NTM: variants seen among roughly 807,000 people sequenced by gnomAD.
NTM encodes neurotrimin, also known as IgLON family member 2.
Under a neutral mutation model 42.1 loss-of-function variants are expected in NTM, and 13 were observed. That is an observed-to-expected ratio of 0.31 (90% CI 0.20 to 0.49). The LOEUF (loss-of-function observed/expected upper bound fraction) is 0.49, where lower values mean the gene tolerates loss of function less well. Ranked by LOEUF, NTM falls within the 20% of genes least tolerant of loss-of-function variation. The pLI is 0.99. For missense variants in NTM, 373 were observed against 452.8 expected, an observed-to-expected ratio of 0.82 and a Z score of 1.60; for synonymous variants, 187 against 179.2, an observed-to-expected ratio of 1.04 and a Z score of -0.35.
At chr11:131,876,437 G>A (rs1474109966) in intron 1 of NTM, among the ~76,000 whole-genome samples, 1 of 152,216 alleles carries the variant, frequency 6.6e-6, no homozygotes, top group African/African-American at 2.4e-5. Flanking sequence ...TTAATCCCTG[G>A]CTTGGTCTCA....
chr11:131,370,931 T>A, intron 1 of NTM, 43 bp downstream of exon 1: 2 of 1,608,926 alleles, frequency 1.2e-6, no homozygotes, highest in Non-Finnish European at 1.7e-6. Context: ...ACCCAGGAAT[T>A]GTACAGTGTG....
At chr11:131,929,633 A>G (rs1017256702) in intron 2 of NTM, among the ~76,000 whole-genome samples, 2 of 151,984 alleles carry the variant, frequency 1.3e-5, no homozygotes, top group Non-Finnish European at 2.9e-5. Flanking sequence ...TGTTTTAAGC[A>G]CTTAACTGTG....
chr11:131,391,644 G>GGAAAAAAAAAAAAAAAAA (rs1565455663), intron 1 of NTM, among the ~76,000 whole-genome samples: 1 of 81,560 alleles, frequency 1.2e-5, no homozygotes, highest in Non-Finnish European at 2.2e-5. Context: ...TTTTATCTGG[G>GGAAAAAAAAAAAAAAAAA]AAAAAAAAAA....
At chr11:131,691,685 G>GC (rs1298360601) in intron 1 of NTM, among the ~76,000 whole-genome samples, 1 of 152,138 alleles carries the variant, frequency 6.6e-6, no homozygotes, top group Non-Finnish European at 1.5e-5. Context: ...GCCACCCCGC[G>GC]CTCCCGCTCG....
At chr11:131,849,875 G>C (rs991051106) in intron 1 of NTM, among the ~76,000 whole-genome samples, 3 of 151,278 alleles carry the variant, frequency 2.0e-5, no homozygotes, top group Non-Finnish European at 4.4e-5. Flanking sequence ...AATGCTAAAT[G>C]ACGAGTTAAT....
At chr11:132,208,974 G>A in intron 3 of NTM, among the ~76,000 whole-genome samples, 1 of 152,144 alleles carries the variant, frequency 6.6e-6, no homozygotes, top group African/African-American at 2.4e-5. Context: ...AGCAAGCAAG[G>A]CTGTGTGGGT....
At chr11:131,631,384 C>T (rs2063643469) in intron 1 of NTM, among the ~76,000 whole-genome samples, 2 of 152,156 alleles carry the variant, frequency 1.3e-5, no homozygotes, top group Non-Finnish European at 2.9e-5. Context: ...GATTCTGTTT[C>T]CTGTCCATAA....
At chr11:132,185,135 A>T (rs531211101) in intron 3 of NTM, among the ~76,000 whole-genome samples, 1 of 152,148 alleles carries the variant, frequency 6.6e-6, no homozygotes. Context: ...CAAAACAAAA[A>T]ATCTCACTGC....
chr11:131,864,437 G>A (rs58403959), intron 1 of NTM, among the ~76,000 whole-genome samples: 2,082 of 152,234 alleles, frequency 0.014, 51 homozygotes, highest in African/African-American at 0.047. Context: ...CTATCACAAA[G>A]GCTAATTATC....
chr11:131,495,650 G>A (rs1476875065), intron 1 of NTM, among the ~76,000 whole-genome samples: 4 of 152,182 alleles, frequency 2.6e-5, no homozygotes, highest in South Asian at 2.1e-4. Context: ...AGAAGAAGCC[G>A]GCCTGGAAAC....
chr11:131,628,631 C>T (rs2063353702), intron 1 of NTM, among the ~76,000 whole-genome samples: 1 of 152,194 alleles, frequency 6.6e-6, no homozygotes, highest in Admixed American at 6.5e-5. Context: ...ACTCCCAGTA[C>T]TAATTATCTT....
At chr11:131,874,336 C>T (rs1360419239) in intron 1 of NTM, among the ~76,000 whole-genome samples, 1 of 151,642 alleles carries the variant, frequency 6.6e-6, no homozygotes, top group Non-Finnish European at 1.5e-5. Flanking sequence ...GGTTTTAAGT[C>T]ATTTCTTTGA....
At chr11:131,619,730 C>T (rs1030351120) in intron 1 of NTM, among the ~76,000 whole-genome samples, 18 of 151,548 alleles carry the variant, frequency 1.2e-4, no homozygotes, top group South Asian at 2.1e-4. Context: ...GAGCAGCAGA[C>T]GTGGTGTAGA....
rs115259902 is a variant in NTM at position 132,119,659 on chromosome 11, A to G, written c.168-26623A>G. Among the ~76,000 whole-genome samples, 1,017 of 152,366 alleles carry G rather than the reference A, an allele frequency of 6.7e-3. 9 individuals carry two copies. Among genetic ancestry groups the G allele is most frequent in the African/African-American group, 0.022 (914 of 41,588 alleles). On this transcript the variant is annotated intron_variant, in intron 2 of 8. Coordinates refer to ENST00000683400, the MANE Select transcript of NTM (RefSeq NM_001352005.2). Reference sequence around the variant, plus strand: ...CTAGGCTGAAATGGGATTTTCAGTCACAATGGAAATAAGCTGGCAGTCTTC... The same window carrying G: ...CTAGGCTGAAATGGGATTTTCAGTCGCAATGGAAATAAGCTGGCAGTCTTC...
At chr11:131,537,200 A>AAC (rs386375297) in intron 1 of NTM, 1 of 151,912 alleles carries the variant, frequency 6.6e-6, no homozygotes, top group Non-Finnish European at 1.5e-5. Context: ...AAAAAAAAAA[A>AAC]ACAATTGAGT....
chr11:131,925,924 G>A (rs2057889512), intron 2 of NTM, among the ~76,000 whole-genome samples: 1 of 152,148 alleles, frequency 6.6e-6, no homozygotes, highest in Non-Finnish European at 1.5e-5. Flanking sequence ...TTGGTATGCT[G>A]CACAGTGCCT....
chr11:131,855,444 C>G (rs1053066829), intron 1 of NTM, among the ~76,000 whole-genome samples: 1 of 152,208 alleles, frequency 6.6e-6, no homozygotes, highest in Non-Finnish European at 1.5e-5. Context: ...AAATTCCCCA[C>G]TCTACCAACA....
chr11:131,421,117 A>G (rs577827379), intron 1 of NTM, among the ~76,000 whole-genome samples: 20 of 152,354 alleles, frequency 1.3e-4, no homozygotes, highest in South Asian at 8.3e-4. Context: ...AGGGAGAAGC[A>G]TGCCATCTTA....
In NTM at chr11:131,383,387, A is replaced by G. The variant is rs557373062; in HGVS notation, c.82+12499A>G. Among the ~76,000 whole-genome samples the G allele has an allele frequency of 2.0e-4, 30 of 152,334 alleles. No homozygotes were observed. In the South Asian group the frequency reaches 5.8e-3, roughly 29 times the overall value. On this transcript the variant is annotated intron_variant, in intron 1 of 8. Transcript: ENST00000683400. Reference sequence around the variant, plus strand: ...TAGAATAAAAGCAGGTAAGTTTGCTATGGCAGCATTTGGGAGACTTTTCAG... The same window carrying G: ...TAGAATAAAAGCAGGTAAGTTTGCTGTGGCAGCATTTGGGAGACTTTTCAG...
Sources: gnomAD v4.1 joint callset for allele counts (sites outside exome capture counted in the v4.1 genomes callset) on GRCh38, gnomAD v4.1.1 for gene constraint, MANE v1.5 for transcripts, NCBI Gene and HGNC (gene_info 2026-07-23, HGNC 2026-07-21) for gene names.